LPIN2: variants seen among roughly 807,000 people sequenced by gnomAD.
LPIN2 encodes lipin 2, also known as phosphatidate phosphatase LPIN2.
LPIN2 carries 55 observed loss-of-function variants against 111.4 expected under a neutral mutation model. The ratio of observed to expected loss-of-function variants is 0.49; its 90% CI spans 0.40 to 0.62. The LOEUF (loss-of-function observed/expected upper bound fraction) is 0.62, where lower values mean the gene tolerates loss of function less well. Ranked by LOEUF, LPIN2 falls within the 20% of genes least tolerant of loss-of-function variation. LPIN2 has a pLI of 0.00. For missense variants in LPIN2, 992 were observed against 1,112.1 expected, an observed-to-expected ratio of 0.89 and a Z score of 1.54; for synonymous variants, 425 against 414.0, an observed-to-expected ratio of 1.03 and a Z score of -0.32.
intron 1 of LPIN2, among the ~76,000 whole-genome samples, chr18:2,982,183 A>C (rs1006056218): frequency 7.9e-5 from 12 of 152,234 alleles, no homozygotes; most frequent in African/African-American, 2.9e-4. Flanking sequence ...TTATGATCAC[A>C]GAAGAAAGCA....
Position 2,925,230 on chromosome 18 carries a change from G to T in LPIN2, c.1932C>A (p.Asp644Glu). The T allele has an allele frequency of 5.0e-6, 8 of 1,614,206 alleles. No homozygotes were observed. Among genetic ancestry groups the T allele is most frequent in the Non-Finnish European group, 6.8e-6 (8 of 1,180,038 alleles). The change falls in exon 14 of 20, where the codon GAC becomes GAA. Residue 644 changes from aspartate to glutamate, a missense_variant. By Grantham distance (45) the Asp-to-Glu change is conservative. This residue lies in a region of LPIN2 where 709 missense variants were observed against 753.2 expected (regional missense o/e 0.94). Transcript: ENST00000677752. The surrounding 1 kb of genome is among the most constrained non-coding windows in gnomAD (Gnocchi z 4.1). Reference protein sequence around the residue: ...SYKKSLRLSSDQIAKLKLHDG... With the variant: ...SYKKSLRLSSEQIAKLKLHDG... ...CAGATCATGCAAGACTCACGATCTG[G>T]TCTGAGGAGAGGCGGAGAGACTTCT...
At chr18:2,954,462 T>C in intron 3 of LPIN2, 42 bp downstream of exon 3, 1 of 1,439,892 alleles carries the variant, frequency 6.9e-7, no homozygotes, top group Non-Finnish European at 9.8e-7. Flanking sequence ...ACCAGAGGCC[T>C]GAGCACACTG....
At chr18:2,924,898 T>C (rs1343190105) in intron 14 of LPIN2, among the ~76,000 whole-genome samples, 3 of 152,034 alleles carry the variant, frequency 2.0e-5, no homozygotes, top group African/African-American at 4.8e-5. Flanking sequence ...AGAGGAGAAA[T>C]TGTGTCTAAA....
rs560693992 is a variant in LPIN2, at chr18:3,006,696, G to A, written c.-10+6391C>T. Among the ~76,000 whole-genome samples, 32 of 152,280 alleles carry A rather than the reference G, an allele frequency of 2.1e-4. No individual in the cohort carries two copies. In the South Asian group the frequency reaches 5.8e-3, roughly 28 times the overall value. On this transcript the variant is annotated intron_variant, in intron 1 of 19. Transcript: ENST00000677752. ...ACTAAAAATACAAAAAATTAGCCAG[G>A]CGTGGTGGCGGGAGCCTGTAGTCCC...
intron 4 of LPIN2, chr18:2,946,603 C>T (rs1224655469): frequency 2.7e-5 from 23 of 857,082 alleles, no homozygotes; most frequent in Non-Finnish European, 4.4e-5. Flanking sequence ...TTAGCCAATC[C>T]CGTGTTGCTA....
intron 5 of LPIN2, 39 bp from the exon 6 acceptor site, chr18:2,939,642 G>A (rs748053971): frequency 5.6e-6 from 9 of 1,607,400 alleles, no homozygotes; most frequent in East Asian, 4.5e-5. Flanking sequence ...CTTGAAAGTC[G>A]GGAAACCTTC....
chr18:2,972,018 G>T (rs2077925052), intron 1 of LPIN2, among the ~76,000 whole-genome samples: 1 of 152,126 alleles, frequency 6.6e-6, no homozygotes, highest in African/African-American at 2.4e-5. Flanking sequence ...CTGCATTACA[G>T]CCTGGGCGAC....
rs2077091700 is a variant in LPIN2, at chr18:2,923,851, A to G, written c.2098T>C (p.Leu700=). Residue 700 remains leucine, a synonymous_variant, in exon 16 of 20, where the codon TTG becomes CTG. Coordinates refer to ENST00000677752, the MANE Select transcript of LPIN2 (RefSeq NM_001375808.2). Reference sequence around the variant, plus strand: ...CCCAGCTGTGGGAGAATCTGTCCCAAAGCATCCGACCTAAGAAGACGGTAG... The same window carrying G: ...CCCAGCTGTGGGAGAATCTGTCCCAGAGCATCCGACCTAAGAAGACGGTAG... ...IDGTITKSDA[L]GQILPQLGKD... is the part of the protein sequence containing the mutation. The G allele has an allele frequency of 6.2e-7, 1 of 1,613,968 alleles. No homozygotes were observed. The highest frequency in any genetic ancestry group is 8.5e-7 in the Non-Finnish European group (1 of 1,179,832).
At chr18:2,945,636 A>C in intron 4 of LPIN2, 2 of 1,473,104 alleles carry the variant, frequency 1.4e-6, no homozygotes, top group Non-Finnish European at 1.9e-6. Context: ...CTTTTCTCAT[A>C]GTGATTTCAA....
chr18:2,996,651 G>A (rs1337823620), intron 1 of LPIN2, among the ~76,000 whole-genome samples: 2 of 150,772 alleles, frequency 1.3e-5, no homozygotes, highest in Non-Finnish European at 3.0e-5. Context: ...CTAATTTTTT[G>A]TATTTTTAGT....
chr18:2,994,705 A>G (rs747241077), intron 1 of LPIN2, among the ~76,000 whole-genome samples: 14 of 152,140 alleles, frequency 9.2e-5, no homozygotes, highest in Non-Finnish European at 1.6e-4. Context: ...GGAGTGTAGC[A>G]GCCCTGGCCT....
At chr18:2,988,068 G>GATGGGTAACAGT in intron 1 of LPIN2, among the ~76,000 whole-genome samples, 1 of 141,288 alleles carries the variant, frequency 7.1e-6, no homozygotes, top group South Asian at 2.3e-4. Flanking sequence ...CAGCAGGCCA[G>GATGGGTAACAGT]ATGGGTAACA....
At chr18:2,960,953 G>C (rs754829781) in intron 1 of LPIN2, 104 bp from the exon 2 acceptor site, 17 of 900,450 alleles carry the variant, frequency 1.9e-5, no homozygotes, top group African/African-American at 7.2e-5. Context: ...TTGTATGCCA[G>C]ATTTCATATC....
Position 2,937,889 on chromosome 18 carries a change from A to C in LPIN2, c.971T>G (p.Ile324Arg). 6.2e-7 allele frequency: 1 copy of C among 1,614,134 alleles called. No individual in the cohort carries two copies. Among genetic ancestry groups the C allele is most frequent in the Non-Finnish European group, 8.5e-7 (1 of 1,180,018 alleles). The stretch of plus-strand genomic sequence containing the variant: ...CAGGGCTCTGGGTTTGGGCTTCACT[A>C]TGGTACAGACAGTGTCTTCCATGGA... The part of the protein sequence containing the change: ...DASMEDTVCT[I>R]VKPKPRALGT... Residue 324 changes from isoleucine (I) to arginine (R), a missense_variant, in exon 7 of 20, where the codon ATA (isoleucine) becomes AGA (arginine). Ile to Arg is a moderately conservative substitution (Grantham distance 97, BLOSUM62 -3). This residue lies in a region of LPIN2 where 709 missense variants were observed against 753.2 expected (regional missense o/e 0.94). Coordinates refer to ENST00000677752, the MANE Select transcript of LPIN2 (RefSeq NM_001375808.2).
intron 12 of LPIN2, 39 bp downstream of exon 12, chr18:2,927,683 C>T: frequency 1.2e-6 from 2 of 1,600,224 alleles, no homozygotes; most frequent in African/African-American, 1.3e-5. Flanking sequence ...AGATTCATTT[C>T]TTTCAGCCCA....
intron 14 of LPIN2, 129 bp from the exon 15 acceptor site, chr18:2,924,675 C>G: frequency 1.1e-6 from 1 of 911,282 alleles, no homozygotes; most frequent in Admixed American, 2.0e-5. Flanking sequence ...GTCTTAGACA[C>G]AGCCCACCCT....
chr18:2,922,628 A>C (rs1230976672), intron 16 of LPIN2, among the ~76,000 whole-genome samples: 1 of 152,192 alleles, frequency 6.6e-6, no homozygotes, highest in African/African-American at 2.4e-5. Context: ...TTACTGTGAA[A>C]ACCAAATTCT....
Position 2,924,379 on chromosome 18 carries a change from C to G in LPIN2, c.2087+19G>C. 1 of 1,614,052 alleles carries G rather than the reference C, an allele frequency of 6.2e-7. No homozygotes were observed. The highest frequency in any genetic ancestry group is 2.2e-5 in the East Asian group (1 of 44,872). ...GCACGGGGCTGTTCCTTGCCACCCA[C>G]CTGAAGGATTGAGCTTACTTGGTTA... is the stretch of plus-strand genomic sequence containing the variant. On this transcript the variant is annotated intron_variant, in intron 15 of 19. Coordinates refer to ENST00000677752, the MANE Select transcript of LPIN2 (RefSeq NM_001375808.2).
intron 1 of LPIN2, among the ~76,000 whole-genome samples, chr18:2,993,161 GAAGA>G (rs1488103492): frequency 2.7e-5 from 4 of 147,122 alleles, no homozygotes; most frequent in South Asian, 4.4e-4. Context: ...AAAAAAGAAA[GAAGA>G]AAGGAAGAAG....
Sources: allele counts gnomAD v4.1 joint callset (sites outside exome capture counted in the v4.1 genomes callset), GRCh38; gene constraint gnomAD v4.1.1; regional missense constraint gnomAD v4.1.1; non-coding constraint Gnocchi (gnomAD v3.1); transcripts MANE v1.5; gene names NCBI Gene and HGNC (gene_info 2026-07-23, HGNC 2026-07-21).